The following COL1A2 variants were observed in gnomAD, a reference collection of about 807,000 sequenced individuals.
The protein encoded by COL1A2 is collagen alpha-2(I) chain.
In COL1A2, 49 loss-of-function variants were observed where a neutral mutation model predicts 174.3. That is an observed-to-expected ratio of 0.28 (90% CI 0.22 to 0.36). COL1A2 has a LOEUF of 0.36. Among genes scored for constraint, COL1A2 ranks in the 10% least tolerant of loss-of-function variants. COL1A2 has a pLI of 1.00. For synonymous variants in COL1A2, 655 were observed against 606.6 expected (o/e 1.08, Z -1.17); for missense variants, 1,438 against 1,822.7 (o/e 0.79, Z 3.84).
intron 6 of COL1A2, among the ~76,000 whole-genome samples, chr7:94,402,321 T>C (rs1791703844): frequency 6.6e-6 from 1 of 152,158 alleles, no homozygotes; most frequent in African/African-American, 2.4e-5. Context: ...ATTCTGATCC[T>C]TCCTCAAGGA....
chr7:94,402,510 A>G (rs923719619), intron 6 of COL1A2, among the ~76,000 whole-genome samples: 4 of 151,846 alleles, frequency 2.6e-5, no homozygotes, highest in African/African-American at 9.7e-5. Context: ...AACATTCCCT[A>G]TATGATGATG....
At chr7:94,428,025 ATCT>A (rs1562908239) in intron 49 of COL1A2, 140 bp downstream of exon 49, 13 of 1,019,148 alleles carry the variant, frequency 1.3e-5, no homozygotes, top group Non-Finnish European at 1.6e-5. Context: ...ATGGAGCGTC[ATCT>A]TCTCCCAACC....
rs771890345 is a variant in COL1A2 at position 94,407,911 on chromosome 7, T to C, written c.639+20T>C. The C allele has an allele frequency of 1.1e-5, 17 of 1,608,432 alleles. No individual in the cohort carries two copies. The South Asian group carries it at 1.8e-4, about 17-fold the overall frequency. On this transcript the variant is annotated intron_variant, in intron 13 of 51. Coordinates refer to ENST00000297268, the MANE Select transcript of COL1A2 (RefSeq NM_000089.4). ...CAAACAGTAAGTATTGACTACTTCA[T>C]TGTAAATTTAAATGTGTACACTCTT... is the stretch of plus-strand genomic sequence containing the variant.
At chr7:94,415,331 C>A in intron 30 of COL1A2, 61 bp downstream of exon 30, 1 of 1,463,592 alleles carries the variant, frequency 6.8e-7, no homozygotes, top group Non-Finnish European at 9.6e-7. Flanking sequence ...AGTAGTAGTG[C>A]TTTCTCCTTA....
intron 18 of COL1A2, 43 bp downstream of exon 18, chr7:94,409,651 A>G (rs1239035216): frequency 6.2e-7 from 1 of 1,613,830 alleles, no homozygotes; most frequent in African/African-American, 1.3e-5. Flanking sequence ...TATGATTTTA[A>G]AGGCATTTAA....
chr7:94,399,190 T>C, intron 4 of COL1A2, 106 bp downstream of exon 4: 2 of 1,008,248 alleles, frequency 2.0e-6, no homozygotes, highest in East Asian at 2.4e-5. Flanking sequence ...ATCCAGATAA[T>C]TGTACACCCC....
intron 40 of COL1A2, chr7:94,423,341 T>G (rs1454589442): frequency 1.0e-5 from 6 of 577,800 alleles, no homozygotes; most frequent in African/African-American, 1.9e-5. Context: ...GAACTCAGTT[T>G]TATCACAAAG....
rs794727585 is a variant in COL1A2 at position 94,420,450 on chromosome 7, T to C, written c.2187+6T>C. ...ATGGATTTGCTGGTCCTGCTGTGAG[T>C]ATCACATAATGAAGATTAATCTGAA... is the stretch of plus-strand genomic sequence containing the variant. On this transcript the variant is annotated splice_donor_region_variant and intron_variant, in intron 36 of 51. Transcript: ENST00000297268. The C allele has an allele frequency of 6.2e-7, 1 of 1,614,184 alleles. No individual in the cohort carries two copies. The highest frequency in any genetic ancestry group is 1.7e-5 in the Admixed American group (1 of 60,028).
chr7:94,418,226 A>G (rs937619261), intron 32 of COL1A2, among the ~76,000 whole-genome samples: 4 of 152,186 alleles, frequency 2.6e-5, no homozygotes, highest in African/African-American at 9.7e-5. Context: ...GTCCACATGA[A>G]TCTGTACCTT....
At chr7:94,426,807 T>C in intron 46 of COL1A2, 2 of 634,508 alleles carry the variant, frequency 3.2e-6, no homozygotes, top group Non-Finnish European at 2.8e-6. Context: ...GAATGACTAA[T>C]ATTGCACTGC....
chr7:94,403,730 C>T (rs1791736936), intron 6 of COL1A2, among the ~76,000 whole-genome samples: 1 of 152,136 alleles, frequency 6.6e-6, no homozygotes, highest in African/African-American at 2.4e-5. Flanking sequence ...GAACAAATTA[C>T]TTGAGACTGG....
At chr7:94,395,405 G>A (rs1196108338) in intron 1 of COL1A2, 9 of 400,708 alleles carry the variant, frequency 2.2e-5, no homozygotes, top group Middle Eastern at 8.1e-4. Context: ...CCCTAAGGAT[G>A]AGATATTAAC....
chr7:94,401,434 T>G (rs1052826017), intron 5 of COL1A2, 133 bp from the exon 6 acceptor site: 7 of 317,482 alleles, frequency 2.2e-5, no homozygotes, highest in Non-Finnish European at 3.7e-5. Context: ...AACTAATAAT[T>G]ATATCAAAAA....
At chr7:94,409,632 A>T (rs1166495805) in intron 18 of COL1A2, 24 bp downstream of exon 18, 2 of 1,614,058 alleles carry the variant, frequency 1.2e-6, no homozygotes. Flanking sequence ...CGTAGCTAAA[A>T]TGTGCTGCTA....
intron 2 of COL1A2, 52 bp from the exon 3 acceptor site, chr7:94,398,330 A>G: frequency 1.5e-6 from 1 of 654,510 alleles, no homozygotes; most frequent in Non-Finnish European, 2.3e-6. Flanking sequence ...GCTGTTTTTA[A>G]ATATATATAT....
At chr7:94,427,960 T>A in intron 49 of COL1A2, 75 bp downstream of exon 49, 1 of 1,496,966 alleles carries the variant, frequency 6.7e-7, no homozygotes, top group South Asian at 1.2e-5. Flanking sequence ...CATTGACATT[T>A]AGAGTGAAAA....
intron 50 of COL1A2, 27 bp from the exon 51 acceptor site, chr7:94,429,161 A>C: frequency 1.3e-6 from 2 of 1,591,286 alleles, no homozygotes; most frequent in Middle Eastern, 1.7e-4. Flanking sequence ...TCTCCACTTA[A>C]CTGGAATTTC....
In COL1A2 at chr7:94,404,526, T is replaced by C. The variant is rs1228765826; in HGVS notation, c.280-30T>C. On this transcript the variant is annotated intron_variant, in intron 6 of 51. Coordinates refer to ENST00000297268, the MANE Select transcript of COL1A2 (RefSeq NM_000089.4). ...CAACACCATGACAACTTATCAGTGC[T>C]AACTGTTGATATATCTGCTTTCTTT... The C allele has an allele frequency of 3.1e-6, 5 of 1,611,658 alleles. No individual in the cohort carries two copies. In the African/African-American group the frequency reaches 4.0e-5, roughly 13 times the overall value.
In COL1A2 at chr7:94,424,415, G is replaced by A. The variant is rs140368271; in HGVS notation, c.2645G>A (p.Arg882His). The A allele has an allele frequency of 2.6e-5, 42 of 1,614,124 alleles. No homozygotes were observed. Among genetic ancestry groups the A allele is most frequent in the African/African-American group, 2.3e-4 (17 of 75,044 alleles). ...GGTCTCCCTGGCTCGAGAGGTGAACGTGGTCTACCAGGTGTTGCTGGTGCT... is the reference window on the plus strand; with the variant it reads ...GGTCTCCCTGGCTCGAGAGGTGAACATGGTCTACCAGGTGTTGCTGGTGCT... Reference protein sequence around the residue: ...ILGLPGSRGERGLPGVAGAVG... With the variant: ...ILGLPGSRGEHGLPGVAGAVG... The change falls in exon 41 of 52, where the codon CGT (arginine) becomes CAT (histidine). Residue 882 changes from arginine to histidine, a missense_variant. By Grantham distance (29) the Arg-to-His change is conservative. Coordinates refer to ENST00000297268, the MANE Select transcript of COL1A2 (RefSeq NM_000089.4).
Sources: allele counts gnomAD v4.1 joint callset (sites outside exome capture counted in the v4.1 genomes callset), GRCh38; gene constraint gnomAD v4.1.1; transcripts MANE v1.5; gene names NCBI Gene and HGNC (gene_info 2026-07-23, HGNC 2026-07-21).